IGSF3: variants seen among roughly 807,000 people sequenced by gnomAD.
IGSF3 encodes the protein immunoglobulin superfamily member 3, also known as glu-Trp-Ile EWI motif-containing protein 3.
Under a neutral mutation model 114.4 loss-of-function variants are expected in IGSF3, and 23 were observed. The observed-to-expected ratio is 0.20, with a 90% CI of 0.14 to 0.28. IGSF3 has a LOEUF of 0.28. Among genes scored for constraint, IGSF3 ranks in the 10% least tolerant of loss-of-function variants. IGSF3 has a pLI of 1.00. For synonymous variants in IGSF3, 571 were observed against 645.2 expected, an observed-to-expected ratio of 0.88 and a Z score of 1.74; for missense variants, 1,172 against 1,591.5, an observed-to-expected ratio of 0.74 and a Z score of 4.48.
In IGSF3 at chr1:116,650,671, A is replaced by G. The variant is rs532235879; in HGVS notation, c.43+15613T>C. On this transcript the variant is annotated intron_variant, in intron 2 of 10. Coordinates refer to ENST00000369486, the MANE Select transcript of IGSF3 (RefSeq NM_001007237.3). This position sits in a 1 kb window ranked among gnomAD's most constrained non-coding sequence, Gnocchi z 5.0. ...TACCACAGGCAGGGACCAATACCAC[A>G]TATCTGTGTTTCCCCTCACTTGCCA... Among the ~76,000 whole-genome samples the G allele has an allele frequency of 4.6e-5, 7 of 152,280 alleles. No homozygotes were observed. The highest frequency in any genetic ancestry group is 2.6e-4 in the Admixed American group (4 of 15,308).
At chr1:116,660,483 T>C (rs1649065806) in intron 2 of IGSF3, among the ~76,000 whole-genome samples, 3 of 144,654 alleles carry the variant, frequency 2.1e-5, no homozygotes, top group South Asian at 2.3e-4. Flanking sequence ...GCTTTTCTTT[T>C]TTTTTTTTTT....
intron 2 of IGSF3, among the ~76,000 whole-genome samples, chr1:116,635,864 T>C (rs1257357682): frequency 6.6e-6 from 1 of 152,228 alleles, no homozygotes; most frequent in Admixed American, 6.5e-5. Context: ...TCATCCGTCA[T>C]CTCTGCTAGG....
In IGSF3 at chr1:116,661,248, G is replaced by A. The variant is rs1040570616; in HGVS notation, c.43+5036C>T. Among the ~76,000 whole-genome samples the A allele has an allele frequency of 7.2e-5, 11 of 152,146 alleles. No individual in the cohort carries two copies. The highest frequency in any genetic ancestry group is 1.5e-4 in the Non-Finnish European group (10 of 68,022). On this transcript the variant is annotated intron_variant, in intron 2 of 10. Transcript: ENST00000369486. The surrounding 1 kb of genome is among the most constrained non-coding windows in gnomAD (Gnocchi z 4.0). ...GCGGAGGTTACGGTGAGCCAAGATCGTGCCACTGCACTCCAGCCTGAGCAA... is the reference window on the plus strand; with the variant it reads ...GCGGAGGTTACGGTGAGCCAAGATCATGCCACTGCACTCCAGCCTGAGCAA...
chr1:116,589,244 G>C lies in IGSF3; in HGVS notation c.2030-140C>G. The C allele has an allele frequency of 1.5e-6, 1 of 658,214 alleles. No individual in the cohort carries two copies. Among genetic ancestry groups the C allele is most frequent in the South Asian group, 1.9e-5 (1 of 52,600 alleles). The allele number at this position is 658,214 out of a possible 1,614,324, so 40.8% of individuals were successfully genotyped here. ...GACTGGCTTCAGTGTGAGGAAGGCA[G>C]CACGGAGCCCAGGCCACCGCTAAAC... On this transcript the variant is annotated intron_variant, in intron 7 of 10. Coordinates refer to ENST00000369486, the MANE Select transcript of IGSF3 (RefSeq NM_001007237.3). This position sits in a 1 kb window ranked among gnomAD's most constrained non-coding sequence, Gnocchi z 5.7.
chr1:116,609,415 T>C (rs1384698645), intron 4 of IGSF3, among the ~76,000 whole-genome samples: 1 of 151,906 alleles, frequency 6.6e-6, no homozygotes, highest in Non-Finnish European at 1.5e-5. Context: ...GTTGGGTGCT[T>C]AACCAGGCAT....
At position 116,647,570 on chromosome 1, in the gene IGSF3, C is replaced by A. The variant is rs191617826; in HGVS notation, c.43+18714G>T. 4.8e-3 allele frequency among the ~76,000 whole-genome samples: 735 copies of A among 152,324 alleles called. 8 individuals are homozygous for A. The highest frequency in any genetic ancestry group is 0.017 in the African/African-American group (691 of 41,560). ...TTTCCATTTAACTCTTAAAATCACC[C>A]TAATGAGTATTTCCTATTATTTTAC... On this transcript the variant is annotated intron_variant, in intron 2 of 10. Coordinates refer to ENST00000369486, the MANE Select transcript of IGSF3 (RefSeq NM_001007237.3). The surrounding 1 kb of genome is among the most constrained non-coding windows in gnomAD (Gnocchi z 4.6).
chr1:116,581,886 C>T (rs932851312), intron 9 of IGSF3, among the ~76,000 whole-genome samples: 5 of 152,200 alleles, frequency 3.3e-5, no homozygotes, highest in African/African-American at 1.2e-4. Flanking sequence ...CCATGCTTTT[C>T]TCCTCCAGAG....
chr1:116,583,103 G>C lies in IGSF3; in HGVS notation c.2848+1542C>G, dbSNP rs1276693524. Among the ~76,000 whole-genome samples, 2 of 152,116 alleles carry C rather than the reference G, an allele frequency of 1.3e-5. No homozygotes were observed. Among genetic ancestry groups the C allele is most frequent in the East Asian group, 1.9e-4 (1 of 5,186 alleles). ...GGGTGGTGATTCGCTCCATGCTTTG[G>C]TCCCTCATGAGTAAAACCTACCACT... On this transcript the variant is annotated intron_variant, in intron 9 of 10. Coordinates refer to ENST00000369486, the MANE Select transcript of IGSF3 (RefSeq NM_001007237.3). This position sits in a 1 kb window ranked among gnomAD's most constrained non-coding sequence, Gnocchi z 4.5.
At chr1:116,653,842 G>C (rs1648738810) in intron 2 of IGSF3, among the ~76,000 whole-genome samples, 1 of 152,232 alleles carries the variant, frequency 6.6e-6, no homozygotes, top group Admixed American at 6.5e-5. Context: ...CCGAAACGCA[G>C]AACTGGAACC....
At chr1:116,640,314 AGTTTT>A (rs1174951367) in intron 2 of IGSF3, among the ~76,000 whole-genome samples, 1 of 152,180 alleles carries the variant, frequency 6.6e-6, no homozygotes, top group East Asian at 1.9e-4. Context: ...CACCTGGTTT[AGTTTT>A]TTTATTTTCC....
At chr1:116,606,714 G>A (rs368004029) in intron 5 of IGSF3, among the ~76,000 whole-genome samples, 8 of 152,184 alleles carry the variant, frequency 5.3e-5, no homozygotes, top group East Asian at 1.9e-4. Flanking sequence ...AGTAGAGTCC[G>A]TGGTTAAGGC....
intron 8 of IGSF3, among the ~76,000 whole-genome samples, chr1:116,587,090 T>A (rs1659881340): frequency 6.6e-6 from 1 of 151,998 alleles, no homozygotes; most frequent in African/African-American, 2.4e-5. Context: ...GAGTTTGGTA[T>A]CGGGTTCCAC....
rs957967819 is a variant in IGSF3 at position 116,576,420 on chromosome 1, C to T, written c.*892G>A. On this transcript the variant is annotated 3_prime_UTR_variant, in exon 11 of 11. Transcript: ENST00000369486. This position sits in a 1 kb window ranked among gnomAD's most constrained non-coding sequence, Gnocchi z 4.6. ...GAGCAAGCCAACAGCCAGCCTTTCT[C>T]CCTTCCTTCTCTAGTCACTGGCTTT... 1 of 152,746 alleles carries T rather than the reference C, an allele frequency of 6.5e-6. No individual in the cohort carries two copies. Among genetic ancestry groups the T allele is most frequent in the Non-Finnish European group, 1.5e-5 (1 of 68,106 alleles). The allele number at this position is 152,746 out of a possible 1,614,324, so 9.5% of individuals were successfully genotyped here.
intron 2 of IGSF3, among the ~76,000 whole-genome samples, chr1:116,617,684 A>G (rs959176942): frequency 2.6e-5 from 4 of 152,210 alleles, no homozygotes; most frequent in African/African-American, 9.6e-5. Context: ...CCTGTCTCAT[A>G]GGGTTATTGA....
In IGSF3 at chr1:116,632,568, CGT is replaced by C. The variant is rs544682757; in HGVS notation, c.44-16113_44-16112del. Reference sequence around the variant, plus strand: ...ATGGACACGTGCGTGCTGAAGGACTCGTGTTTAATTCTTCCCAGTAATCCTTT... The same window carrying C: ...ATGGACACGTGCGTGCTGAAGGACTCGTTTAATTCTTCCCAGTAATCCTTT... On this transcript the variant is annotated intron_variant, in intron 2 of 10. Coordinates refer to ENST00000369486, the MANE Select transcript of IGSF3 (RefSeq NM_001007237.3). This position sits in a 1 kb window ranked among gnomAD's most constrained non-coding sequence, Gnocchi z 5.1. Among the ~76,000 whole-genome samples, 2 of 152,204 alleles carry C rather than the reference CGT, an allele frequency of 1.3e-5. No individual in the cohort carries two copies. Among genetic ancestry groups the C allele is most frequent in the Non-Finnish European group, 2.9e-5 (2 of 68,038 alleles).
rs1483864861 is a variant in IGSF3, at chr1:116,595,980, G to A, written c.2029+3961C>T. ...ACTAAGCTAGATCAATGGCAACGTT[G>A]ACAGTGATGGCATTCCTTGAAGATT... On this transcript the variant is annotated intron_variant, in intron 7 of 10. Transcript: ENST00000369486. The surrounding 1 kb of genome is among the most constrained non-coding windows in gnomAD (Gnocchi z 4.2). Among the ~76,000 whole-genome samples, 1 of 152,240 alleles carries A rather than the reference G, an allele frequency of 6.6e-6. No homozygotes were observed. The highest frequency in any genetic ancestry group is 1.9e-4 in the East Asian group (1 of 5,202).
Position 116,605,415 on chromosome 1 carries a change from A to G in IGSF3, c.1223-1390T>C, listed in dbSNP as rs556457902. On this transcript the variant is annotated intron_variant, in intron 5 of 10. Coordinates refer to ENST00000369486, the MANE Select transcript of IGSF3 (RefSeq NM_001007237.3). The surrounding 1 kb of genome is among the most constrained non-coding windows in gnomAD (Gnocchi z 5.1). The stretch of plus-strand genomic sequence containing the variant: ...GATTTGCTTGTTTTATGTGAAAAAT[A>G]AAAGGTCTGGATGGGGCAGGGAATA... Among the ~76,000 whole-genome samples, 1 of 152,114 alleles carries G rather than the reference A, an allele frequency of 6.6e-6. No individual in the cohort carries two copies. Among genetic ancestry groups the G allele is most frequent in the Non-Finnish European group, 1.5e-5 (1 of 68,040 alleles).
rs1302006697 is a variant in IGSF3 at position 116,589,292 on chromosome 1, C to CCATGCAA, written c.2030-189_2030-188insTTGCATG. On this transcript the variant is annotated intron_variant, in intron 7 of 10. Coordinates refer to ENST00000369486, the MANE Select transcript of IGSF3 (RefSeq NM_001007237.3). The surrounding 1 kb of genome is among the most constrained non-coding windows in gnomAD (Gnocchi z 5.7). ...AACATCCTTCCCTGTCTCCTCCTTGCCATGCGCCTGGCTTAGGCCTTCACC... is the reference window on the plus strand; with the variant it reads ...AACATCCTTCCCTGTCTCCTCCTTGCCATGCAACATGCGCCTGGCTTAGGCCTTCACC... Among the ~76,000 whole-genome samples the CCATGCAA allele has an allele frequency of 6.6e-6, 1 of 152,086 alleles. No individual in the cohort carries two copies. Among genetic ancestry groups the CCATGCAA allele is most frequent in the Non-Finnish European group, 1.5e-5 (1 of 68,020 alleles).
At chr1:116,602,928 A>C (rs1280644910) in intron 6 of IGSF3, among the ~76,000 whole-genome samples, 1 of 152,206 alleles carries the variant, frequency 6.6e-6, no homozygotes, top group Admixed American at 6.5e-5. Flanking sequence ...GTATCTTTTC[A>C]TTCCACGCTA....
Sources: allele counts gnomAD v4.1 joint callset (sites outside exome capture counted in the v4.1 genomes callset), GRCh38; gene constraint gnomAD v4.1.1; non-coding constraint Gnocchi (gnomAD v3.1); transcripts MANE v1.5; gene names NCBI Gene and HGNC (gene_info 2026-07-23, HGNC 2026-07-21).